Variants in C10orf67 observed in about 807,000 individuals in gnomAD.
The protein encoded by C10orf67 is chromosome 10 open reading frame 67, also known as uncharacterized protein C10orf67, mitochondrial.
C10orf67 carries 60 observed loss-of-function variants against 35.6 expected under a neutral mutation model. The observed-to-expected ratio is 1.68, with a 90% confidence interval of 1.37 to 2.09. The LOEUF (loss-of-function observed/expected upper bound fraction) is 2.09. Among genes scored for constraint, C10orf67 ranks in the 30% most tolerant of loss-of-function variants. C10orf67 has a pLI of 0.00. For synonymous variants in C10orf67, 167 were observed against 115.8 expected (o/e 1.44, Z -2.84); for missense variants, 474 against 330.2 (o/e 1.44, Z -3.38).
intron 15 of C10orf67, among the ~76,000 whole-genome samples, chr10:23,213,761 T>C (rs948626032): frequency 1.3e-5 from 2 of 151,676 alleles, no homozygotes; most frequent in African/African-American, 4.8e-5. Context: ...ATACAGAAAA[T>C]GTTATCAACC....
chr10:23,299,964 C>A (rs1163071334), intron 5 of C10orf67, among the ~76,000 whole-genome samples: 3 of 145,988 alleles, frequency 2.1e-5, no homozygotes, highest in Non-Finnish European at 4.5e-5. Context: ...GGTGACAGAG[C>A]GAGACTCTGT....
intron 12 of C10orf67, among the ~76,000 whole-genome samples, chr10:23,249,364 T>A (rs182810895): frequency 2.0e-5 from 3 of 152,298 alleles, no homozygotes; most frequent in Non-Finnish European, 4.4e-5. Context: ...TTGTCTCACA[T>A]GTATCTACGT....
intron 4 of C10orf67, among the ~76,000 whole-genome samples, chr10:23,310,867 C>A (rs1263303185): frequency 1.3e-5 from 2 of 152,214 alleles, no homozygotes; most frequent in African/African-American, 4.8e-5. Context: ...AATTCAAGAT[C>A]TCTCTTATAT....
chr10:23,235,230 A>G (rs1413014669), intron 13 of C10orf67, among the ~76,000 whole-genome samples: 1 of 152,118 alleles, frequency 6.6e-6, no homozygotes, highest in East Asian at 1.9e-4. Flanking sequence ...ATTCAATGAA[A>G]AAAGACAAGA....
At chr10:23,340,169 A>C (rs1220771067) in intron 1 of C10orf67, among the ~76,000 whole-genome samples, 2 of 152,002 alleles carry the variant, frequency 1.3e-5, no homozygotes, top group African/African-American at 2.4e-5. Flanking sequence ...TTATGTTTTC[A>C]GGTATTCCTT....
At chr10:23,296,736 G>A (rs1440351002) in intron 5 of C10orf67, among the ~76,000 whole-genome samples, 1 of 152,102 alleles carries the variant, frequency 6.6e-6, no homozygotes, top group Non-Finnish European at 1.5e-5. Flanking sequence ...CTGCATCTGG[G>A]GCACCATTTG....
intron 12 of C10orf67, among the ~76,000 whole-genome samples, chr10:23,245,813 AATAGAACTACTC>A (rs1842304206): frequency 6.6e-6 from 1 of 152,210 alleles, no homozygotes; most frequent in Non-Finnish European, 1.5e-5. Context: ...AAGAACTTAA[AATAGAACTACTC>A]TTTGATCCAG....
chr10:23,245,071 A>G (rs1397070170), intron 12 of C10orf67, among the ~76,000 whole-genome samples: 1 of 152,208 alleles, frequency 6.6e-6, no homozygotes, highest in Non-Finnish European at 1.5e-5. Flanking sequence ...ATGGTCAACT[A>G]ATTTTTGACA....
intron 13 of C10orf67, among the ~76,000 whole-genome samples, chr10:23,236,568 A>T (rs1842058981): frequency 6.6e-6 from 1 of 152,084 alleles, no homozygotes; most frequent in Non-Finnish European, 1.5e-5. Flanking sequence ...GAGTACTGGC[A>T]ATTTTGTTAT....
chr10:23,255,187 C>A (rs1451054185), intron 10 of C10orf67, among the ~76,000 whole-genome samples: 4 of 152,176 alleles, frequency 2.6e-5, no homozygotes, highest in Non-Finnish European at 5.9e-5. Context: ...GAATTGGGAA[C>A]ACGGAGAATA....
chr10:23,228,874 C>T (rs1681530677), intron 13 of C10orf67, among the ~76,000 whole-genome samples: 1 of 152,096 alleles, frequency 6.6e-6, no homozygotes, highest in African/African-American at 2.4e-5. Context: ...CAAATCAAAA[C>T]CACAATGAGA....
intron 7 of C10orf67, among the ~76,000 whole-genome samples, chr10:23,288,473 G>C (rs1277390204): frequency 3.9e-5 from 6 of 152,164 alleles, no homozygotes; most frequent in Admixed American, 1.3e-4. Flanking sequence ...CTGTTGGGGG[G>C]CTGGGGGGTG....
At chr10:23,254,412 G>A (rs978665475) in intron 10 of C10orf67, among the ~76,000 whole-genome samples, 5 of 152,096 alleles carry the variant, frequency 3.3e-5, no homozygotes, top group South Asian at 2.1e-4. Context: ...GTTTCACCAC[G>A]TTGGCCACGC....
chr10:23,249,044 C>A (rs1440166423), intron 12 of C10orf67, among the ~76,000 whole-genome samples: 8 of 141,202 alleles, frequency 5.7e-5, no homozygotes, highest in African/African-American at 2.2e-4. Flanking sequence ...GCTGGAGAAT[C>A]GCTTGAACCC....
intron 1 of C10orf67, among the ~76,000 whole-genome samples, chr10:23,342,540 T>G (rs1845939406): frequency 6.6e-6 from 1 of 152,078 alleles, no homozygotes; most frequent in African/African-American, 2.4e-5. Context: ...CCCGGCACCA[T>G]CGGTCTGCTC....
At chr10:23,211,478 TGG>T (rs200194805) in intron 15 of C10orf67, among the ~76,000 whole-genome samples, 40,194 of 147,400 alleles carry the variant, frequency 0.27, 6,982 homozygotes, top group African/African-American at 0.49. Context: ...TGTGTGTGTG[TGG>T]GGGGGGGGGG....
At chr10:23,249,562 G>A (rs1304273836) in intron 12 of C10orf67, among the ~76,000 whole-genome samples, 1 of 152,204 alleles carries the variant, frequency 6.6e-6, no homozygotes, top group African/African-American at 2.4e-5. Context: ...GTCTTGGCAT[G>A]GATTCTTTGT....
intron 15 of C10orf67, among the ~76,000 whole-genome samples, chr10:23,217,173 G>A (rs1431202333): frequency 6.6e-6 from 1 of 152,066 alleles, no homozygotes; most frequent in African/African-American, 2.4e-5. Context: ...GGGCAACTTT[G>A]ATTAAAGAAG....
At chr10:23,277,259 G>T (rs1843218846) in intron 8 of C10orf67, among the ~76,000 whole-genome samples, 1 of 152,102 alleles carries the variant, frequency 6.6e-6, no homozygotes, top group South Asian at 2.1e-4. Flanking sequence ...AAAGAAATTT[G>T]CAGAAATAAG....
Sources: allele counts gnomAD v4.1 joint callset (sites outside exome capture counted in the v4.1 genomes callset), GRCh38; gene constraint gnomAD v4.1.1; transcripts MANE v1.5; gene names NCBI Gene and HGNC (gene_info 2026-07-23, HGNC 2026-07-21).